Variants in TMTC1 observed in about 807,000 individuals in gnomAD.
TMTC1 encodes protein O-mannosyl-transferase TMTC1.
TMTC1 carries 73 observed loss-of-function variants against 104.8 expected under a neutral mutation model. The observed-to-expected ratio is 0.70, with a 90% confidence interval of 0.58 to 0.85. TMTC1 has a LOEUF of 0.85. Ranked by LOEUF, TMTC1 falls within the 40% of genes least tolerant of loss-of-function variation. TMTC1 has a pLI of 0.00. For missense variants in TMTC1, 1,035 were observed against 1,096.1 expected, an observed-to-expected ratio of 0.94 and a Z score of 0.79; for synonymous variants, 434 against 428.7, an observed-to-expected ratio of 1.01 and a Z score of -0.15.
intron 6 of TMTC1, among the ~76,000 whole-genome samples, chr12:29,615,989 T>A (rs578077991): frequency 5.6e-4 from 85 of 152,164 alleles, no homozygotes; most frequent in Non-Finnish European, 1.0e-3. Flanking sequence ...AGAACATTTA[T>A]CCACAAGAAG....
At chr12:29,716,007 A>G (rs902330516) in intron 5 of TMTC1, among the ~76,000 whole-genome samples, 5 of 144,850 alleles carry the variant, frequency 3.5e-5, no homozygotes, top group Non-Finnish European at 6.0e-5. Flanking sequence ...TATTATTATT[A>G]TTATTATTAT....
At chr12:29,646,786 GC>G (rs1318174217) in intron 5 of TMTC1, among the ~76,000 whole-genome samples, 1 of 152,146 alleles carries the variant, frequency 6.6e-6, no homozygotes, top group Non-Finnish European at 1.5e-5. Context: ...GAACTCTTCA[GC>G]TACCGGGGAC....
chr12:29,532,669 G>A (rs547862311), intron 11 of TMTC1: 1 of 146,798 alleles, frequency 6.8e-6, no homozygotes, highest in Non-Finnish European at 1.5e-5. Context: ...GCATATTAAA[G>A]AATGATAATA....
At chr12:29,732,212 G>A (rs1942562576) in intron 5 of TMTC1, among the ~76,000 whole-genome samples, 1 of 152,148 alleles carries the variant, frequency 6.6e-6, no homozygotes, top group East Asian at 1.9e-4. Flanking sequence ...AGGATAAGGC[G>A]ATACCAGACT....
At chr12:29,710,113 A>C (rs778278663) in intron 5 of TMTC1, among the ~76,000 whole-genome samples, 1 of 152,106 alleles carries the variant, frequency 6.6e-6, no homozygotes, top group Non-Finnish European at 1.5e-5. Context: ...ATCAGTACGT[A>C]GAGTCTATTT....
chr12:29,598,046 T>C (rs543803816), intron 7 of TMTC1, among the ~76,000 whole-genome samples: 24 of 152,308 alleles, frequency 1.6e-4, no homozygotes, highest in Middle Eastern at 6.8e-3. Flanking sequence ...AAGGCCAACA[T>C]TCTGGTTTTA....
chr12:29,567,366 T>C (rs545315036), intron 9 of TMTC1, among the ~76,000 whole-genome samples: 2 of 152,218 alleles, frequency 1.3e-5, no homozygotes, highest in Non-Finnish European at 2.9e-5. Context: ...ATTCAGCTCA[T>C]AAGTATGGCC....
At chr12:29,575,607 T>C (rs778948417) in intron 8 of TMTC1, among the ~76,000 whole-genome samples, 5 of 151,444 alleles carry the variant, frequency 3.3e-5, no homozygotes, top group Non-Finnish European at 7.4e-5. Context: ...GATGGGCATC[T>C]GTGAAGCCAG....
chr12:29,606,709 T>C (rs1004568260), intron 6 of TMTC1, among the ~76,000 whole-genome samples: 3 of 152,132 alleles, frequency 2.0e-5, no homozygotes, highest in African/African-American at 4.8e-5. Context: ...TGTCCCTAGA[T>C]ACTGTTTTAC....
At chr12:29,514,678 ATACTT>A in intron 15 of TMTC1, 74 bp from the exon 16 acceptor site, 1 of 1,504,540 alleles carries the variant, frequency 6.6e-7, no homozygotes, top group Non-Finnish European at 9.0e-7. Context: ...GATCAAATTT[ATACTT>A]TTTGTTCCTA....
chr12:29,643,798 C>CACAT (rs1939077037), intron 5 of TMTC1, among the ~76,000 whole-genome samples: 1 of 33,428 alleles, frequency 3.0e-5, no homozygotes, highest in African/African-American at 1.1e-4. Flanking sequence ...TATTTATATA[C>CACAT]ATATTTATAT....
intron 1 of TMTC1, among the ~76,000 whole-genome samples, chr12:29,777,462 A>G (rs1943738175): frequency 6.6e-6 from 1 of 152,170 alleles, no homozygotes; most frequent in South Asian, 2.1e-4. Flanking sequence ...TGTAGCTCCA[A>G]AGAAAGACAG....
chr12:29,694,922 G>A (rs920416305), intron 5 of TMTC1, among the ~76,000 whole-genome samples: 12 of 150,436 alleles, frequency 8.0e-5, no homozygotes, highest in South Asian at 2.1e-4. Flanking sequence ...CAACAAGAGC[G>A]AAACTCCATC....
chr12:29,555,015 G>A (rs111443106), intron 10 of TMTC1, among the ~76,000 whole-genome samples: 2,193 of 152,016 alleles, frequency 0.014, 26 homozygotes, highest in Non-Finnish European at 0.024. Context: ...AGTATACTAG[G>A]ATCCAAATGT....
In TMTC1 at chr12:29,508,595, AT is replaced by A. The variant is rs367961342; in HGVS notation, c.2509-1610del. 6.9e-3 allele frequency among the ~76,000 whole-genome samples: 1,028 copies of A among 149,438 alleles called. 18 individuals carry two copies. The highest frequency in any genetic ancestry group is 0.024 in the African/African-American group (962 of 40,742). On this transcript the variant is annotated intron_variant, in intron 17 of 17. Coordinates refer to ENST00000539277, the MANE Select transcript of TMTC1 (RefSeq NM_001193451.2). ...TTTTCTTCACTAAACTAGAAGCTGT[AT>A]TTTTTTTTTCTCTGTAGCCCAGGCT... is the stretch of plus-strand genomic sequence containing the variant.
At chr12:29,583,267 A>T in intron 8 of TMTC1, 140 bp downstream of exon 8, 2 of 726,542 alleles carry the variant, frequency 2.8e-6, no homozygotes, top group Non-Finnish European at 4.2e-6. Context: ...ACATAAAATT[A>T]CATCTTCCAT....
rs535819748 is a variant in TMTC1 at position 29,556,836 on chromosome 12, G to C, written c.1676+21C>G. On this transcript the variant is annotated intron_variant, in intron 10 of 17. Transcript: ENST00000539277. ...CTTGGAATCGCAAGGCCACCTGATC[G>C]ATGGTAAACGTCCCACTTACTTGAG... The C allele has an allele frequency of 5.6e-6, 9 of 1,612,878 alleles. 1 individual carries two copies. The South Asian group carries it at 9.9e-5, about 18-fold the overall frequency.
chr12:29,746,057 T>C (rs1167457383), intron 5 of TMTC1, among the ~76,000 whole-genome samples: 1 of 152,206 alleles, frequency 6.6e-6, no homozygotes, highest in Non-Finnish European at 1.5e-5. Context: ...TAAAGTAAGA[T>C]ATTGGTTCAT....
chr12:29,546,411 A>G (rs2136229414), intron 10 of TMTC1, among the ~76,000 whole-genome samples: 1 of 152,182 alleles, frequency 6.6e-6, no homozygotes, highest in Middle Eastern at 3.4e-3. Context: ...TACAAATGGG[A>G]GGGAGGTTGG....
Sources: gnomAD v4.1 joint callset for allele counts (sites outside exome capture counted in the v4.1 genomes callset) on GRCh38, gnomAD v4.1.1 for gene constraint, MANE v1.5 for transcripts, NCBI Gene and HGNC (gene_info 2026-07-23, HGNC 2026-07-21) for gene names.